Variants in ENPP4 observed in about 807,000 individuals in gnomAD.
The protein encoded by ENPP4 is bis(5'-adenosyl)-triphosphatase ENPP4.
ENPP4 carries 18 observed loss-of-function variants against 33.4 expected under a neutral mutation model. That is an observed-to-expected ratio of 0.54 (90% CI 0.37 to 0.80). The LOEUF (loss-of-function observed/expected upper bound fraction) is 0.80, where lower values mean the gene tolerates loss of function less well. Among genes scored for constraint, ENPP4 ranks in the 30% least tolerant of loss-of-function variants. The pLI is 0.00. For synonymous variants in ENPP4, 172 were observed against 189.9 expected (o/e 0.91, Z 0.78); for missense variants, 480 against 541.7 (o/e 0.89, Z 1.13).
chr6:46,135,711 G>A (rs1016573689), intron 1 of ENPP4, among the ~76,000 whole-genome samples: 2 of 151,838 alleles, frequency 1.3e-5, no homozygotes, highest in Non-Finnish European at 1.5e-5. Context: ...CTCTTGGTGT[G>A]GTATCTAAGA....
At chr6:46,131,068 C>T (rs1204735852) in intron 1 of ENPP4, among the ~76,000 whole-genome samples, 2 of 152,180 alleles carry the variant, frequency 1.3e-5, no homozygotes, top group Non-Finnish European at 2.9e-5. Context: ...TGCACTTGTG[C>T]GTCTTCCCCC....
rs1293476146 is a variant in ENPP4, at chr6:46,144,857, T to C, written c.*1217T>C. On this transcript the variant is annotated 3_prime_UTR_variant, in exon 4 of 4. Coordinates refer to ENST00000321037, the MANE Select transcript of ENPP4 (RefSeq NM_014936.5). ...AGAATAGCCTTAGTGCTACCTCCAC[T>C]TTTTTCTCCAGTATTTGCATCACAG... 2.5e-6 allele frequency: 1 copy of C among 394,934 alleles called. No individual in the cohort carries two copies. Among genetic ancestry groups the C allele is most frequent in the Admixed American group, 4.4e-5 (1 of 22,564 alleles). The allele number at this position is 394,934 out of a possible 1,614,324, so 24.5% of individuals were successfully genotyped here.
chr6:46,137,887 T>A (rs1233957840), intron 1 of ENPP4, among the ~76,000 whole-genome samples: 1 of 151,832 alleles, frequency 6.6e-6, no homozygotes, highest in African/African-American at 2.4e-5. Flanking sequence ...TCACAGCCTC[T>A]GTCAGTATTT....
chr6:46,137,166 AT>A (rs1159021421), intron 1 of ENPP4, among the ~76,000 whole-genome samples: 1 of 151,912 alleles, frequency 6.6e-6, no homozygotes, highest in Non-Finnish European at 1.5e-5. Flanking sequence ...ATCAGATTGG[AT>A]TTGGCAGCAG....
At chr6:46,136,026 A>G (rs1023499554) in intron 1 of ENPP4, among the ~76,000 whole-genome samples, 1 of 152,006 alleles carries the variant, frequency 6.6e-6, no homozygotes, top group African/African-American at 2.4e-5. Context: ...TTAAAATAAT[A>G]CATTATGGTG....
In ENPP4 at chr6:46,139,794, T is replaced by C. The variant is rs762497275; in HGVS notation, c.211T>C (p.Phe71Leu). 6.2e-7 allele frequency: 1 copy of C among 1,612,342 alleles called. No individual in the cohort carries two copies. Among genetic ancestry groups the C allele is most frequent in the Non-Finnish European group, 8.5e-7 (1 of 1,178,912 alleles). ...HVKNVFITKT[F>L]PNHYSIVTGL... ...TAAAAATGTTTTTATCACAAAAACATTTCCAAACCACTACAGTATTGTGAC... is the reference window on the plus strand; with the variant it reads ...TAAAAATGTTTTTATCACAAAAACACTTCCAAACCACTACAGTATTGTGAC... Residue 71 changes from phenylalanine to leucine, a missense_variant, in exon 2 of 4, where the codon TTT becomes CTT. Phe to Leu is a conservative substitution (Grantham distance 22, BLOSUM62 0). This residue lies in a region of ENPP4 where 227 missense variants were observed against 273.7 expected (regional missense o/e 0.83). Transcript: ENST00000321037.
chr6:46,132,037 G>A (rs9472692), intron 1 of ENPP4, among the ~76,000 whole-genome samples: 1 of 151,980 alleles, frequency 6.6e-6, no homozygotes, highest in African/African-American at 2.4e-5. Flanking sequence ...TGAATTCATT[G>A]TAGATTCTGG....
intron 1 of ENPP4, among the ~76,000 whole-genome samples, chr6:46,135,418 A>G (rs982960463): frequency 3.3e-5 from 5 of 151,972 alleles, no homozygotes; most frequent in African/African-American, 1.2e-4. Flanking sequence ...CTGATGACTA[A>G]TGCTGTTGAG....
chr6:46,133,050 G>T (rs2127491742), intron 1 of ENPP4, among the ~76,000 whole-genome samples: 1 of 152,256 alleles, frequency 6.6e-6, no homozygotes, highest in Non-Finnish European at 1.5e-5. Flanking sequence ...GAGATTCTGG[G>T]CTGAGACAAT....
intron 1 of ENPP4, among the ~76,000 whole-genome samples, chr6:46,133,669 A>G (rs1313604604): frequency 6.6e-6 from 1 of 152,116 alleles, no homozygotes; most frequent in East Asian, 1.9e-4. Context: ...CTTCTCTTTG[A>G]CATCTTTTTG....
rs1764142879 is a variant in ENPP4, at chr6:46,146,615, C to T, written c.*2975C>T. ...TGTTACTTGAGTTCAGAATTAATGA[C>T]TTTGTTCATGATTTTTAAAATGTGT... On this transcript the variant is annotated 3_prime_UTR_variant, in exon 4 of 4. Coordinates refer to ENST00000321037, the MANE Select transcript of ENPP4 (RefSeq NM_014936.5). The T allele has an allele frequency of 6.6e-6, 1 of 151,974 alleles. No individual in the cohort carries two copies. Among genetic ancestry groups the T allele is most frequent in the East Asian group, 1.9e-4 (1 of 5,200 alleles). The allele number at this position is 151,974 out of a possible 1,614,324, so 9.4% of individuals were successfully genotyped here.
At chr6:46,139,439 T>C in intron 1 of ENPP4, 112 bp from the exon 2 acceptor site, 1 of 574,562 alleles carries the variant, frequency 1.7e-6, no homozygotes, top group Non-Finnish European at 3.1e-6. Flanking sequence ...TAAGTTAATA[T>C]AGGTAAAGCT....
rs563223906 is a variant in ENPP4, at chr6:46,137,523, A to C, written c.-33-2028A>C. Among the ~76,000 whole-genome samples, 4 of 152,000 alleles carry C rather than the reference A, an allele frequency of 2.6e-5. No individual in the cohort carries two copies. In the South Asian group the frequency reaches 8.3e-4, roughly 31 times the overall value. ...AACTCTCTGAGGGAGGAGTTAAGTC[A>C]TACATAAACACTGTGTTGAGGGCAT... On this transcript the variant is annotated intron_variant, in intron 1 of 3. Coordinates refer to ENST00000321037, the MANE Select transcript of ENPP4 (RefSeq NM_014936.5).
rs747374617 is a variant in ENPP4, at chr6:46,139,873, T to C, written c.290T>C (p.Val97Ala). The stretch of plus-strand genomic sequence containing the variant: ...GTGGCTAATTCCATGTATGATGCAG[T>C]CACAAAGAAACACTTTTCTGACTCT... ...GIVANSMYDA[V>A]TKKHFSDSND... Residue 97 changes from valine (V) to alanine (A), a missense_variant, in exon 2 of 4, where the codon GTC becomes GCC. Physicochemically the swap from Val to Ala is moderately conservative, Grantham distance 64. Around this residue, in one of 3 missense-constraint regions of ENPP4, gnomAD observed 227 missense variants for 273.7 expected, o/e 0.83. Transcript: ENST00000321037. 3 of 1,612,690 alleles carry C rather than the reference T, an allele frequency of 1.9e-6. No individual in the cohort carries two copies. In the African/African-American group the frequency reaches 4.0e-5, roughly 22 times the overall value.
intron 1 of ENPP4, among the ~76,000 whole-genome samples, chr6:46,136,430 A>G (rs1377242518): frequency 2.0e-5 from 3 of 151,970 alleles, no homozygotes; most frequent in East Asian, 1.9e-4. Context: ...TGGAAGTGCA[A>G]ACTAACACTG....
In ENPP4 at chr6:46,130,185, G is replaced by A. The variant is rs1221777302; in HGVS notation, c.-38G>A. On this transcript the variant is annotated 5_prime_UTR_variant, in exon 1 of 4. Coordinates refer to ENST00000321037, the MANE Select transcript of ENPP4 (RefSeq NM_014936.5). The stretch of plus-strand genomic sequence containing the variant: ...CGCATTGGAAAGAAGCGACCGCGGC[G>A]GCTGGTGAGTACGCGCCTCGCGCGC... 1 of 152,300 alleles carries A rather than the reference G, an allele frequency of 6.6e-6. No individual in the cohort carries two copies. Among genetic ancestry groups the A allele is most frequent in the African/African-American group, 2.4e-5 (1 of 41,470 alleles). 9.4% of individuals were successfully genotyped at this position (152,300 alleles called of 1,614,324 possible).
chr6:46,131,572 C>G (rs367678531), intron 1 of ENPP4, among the ~76,000 whole-genome samples: 9 of 152,002 alleles, frequency 5.9e-5, no homozygotes, highest in African/African-American at 1.9e-4. Flanking sequence ...GGACATTTGG[C>G]TTGGTTCCAA....
At chr6:46,133,622 G>T (rs918678452) in intron 1 of ENPP4, among the ~76,000 whole-genome samples, 44 of 152,270 alleles carry the variant, frequency 2.9e-4, no homozygotes, top group African/African-American at 9.4e-4. Context: ...TTGTTGTAGG[G>T]ATATTTGGTT....
intron 1 of ENPP4, among the ~76,000 whole-genome samples, chr6:46,132,271 G>A (rs1456111964): frequency 1.3e-5 from 2 of 152,020 alleles, no homozygotes; most frequent in African/African-American, 4.8e-5. Context: ...TTTCTTCTAG[G>A]GTTTTTATGG....
Sources: allele counts gnomAD v4.1 joint callset (sites outside exome capture counted in the v4.1 genomes callset), GRCh38; gene constraint gnomAD v4.1.1; regional missense constraint gnomAD v4.1.1; transcripts MANE v1.5; gene names NCBI Gene and HGNC (gene_info 2026-07-23, HGNC 2026-07-21).